MMP16: variants seen among roughly 807,000 people sequenced by gnomAD.
MMP16 encodes matrix metalloproteinase-16.
A neutral mutation model predicts 67.8 loss-of-function variants in MMP16; 12 were observed. That is an observed-to-expected ratio of 0.18 (90% CI 0.11 to 0.29). MMP16 has a LOEUF of 0.29. Ranked by LOEUF, MMP16 falls within the 10% of genes least tolerant of loss-of-function variation. The pLI is 1.00. For synonymous variants in MMP16, 249 were observed against 255.9 expected (o/e 0.97, Z 0.26); for missense variants, 475 against 765.7 (o/e 0.62, Z 4.48).
At chr8:88,137,308 C>G (rs1808136763) in intron 4 of MMP16, among the ~76,000 whole-genome samples, 1 of 151,408 alleles carries the variant, frequency 6.6e-6, no homozygotes, top group Non-Finnish European at 1.5e-5. Context: ...GGCAACTCCT[C>G]CCCCCCAAAA....
intron 6 of MMP16, among the ~76,000 whole-genome samples, chr8:88,114,525 A>G (rs1422350820): frequency 1.3e-5 from 2 of 151,966 alleles, no homozygotes; most frequent in Non-Finnish European, 2.9e-5. Context: ...CCATTCACAC[A>G]TTCTTGATGC....
intron 6 of MMP16, among the ~76,000 whole-genome samples, chr8:88,105,963 ATTT>A (rs35863491): frequency 6.6e-6 from 1 of 150,534 alleles, no homozygotes; most frequent in Non-Finnish European, 1.5e-5. Context: ...TCCTTTGAGA[ATTT>A]TTTATTTATA....
chr8:88,162,551 C>T (rs1586183634), intron 4 of MMP16, among the ~76,000 whole-genome samples: 1 of 151,944 alleles, frequency 6.6e-6, no homozygotes, highest in Non-Finnish European at 1.5e-5. Flanking sequence ...TTCAAAAACT[C>T]GAGGATAGAT....
At chr8:88,051,606 T>G (rs1808271740) in intron 8 of MMP16, among the ~76,000 whole-genome samples, 1 of 152,188 alleles carries the variant, frequency 6.6e-6, no homozygotes, top group Non-Finnish European at 1.5e-5. Flanking sequence ...TTTTGCTGTA[T>G]TTTTGAACGA....
chr8:88,219,936 A>G (rs1809651927), intron 1 of MMP16, among the ~76,000 whole-genome samples: 1 of 152,142 alleles, frequency 6.6e-6, no homozygotes, highest in Non-Finnish European at 1.5e-5. Flanking sequence ...AAAAATTTCA[A>G]AGACAAAAGT....
At chr8:88,044,293 T>C (rs915687949) in intron 9 of MMP16, among the ~76,000 whole-genome samples, 8 of 152,160 alleles carry the variant, frequency 5.3e-5, no homozygotes, top group Non-Finnish European at 2.9e-5. Context: ...CTGGGCACCA[T>C]AGTGAGATGA....
At position 88,116,639 on chromosome 8, in the gene MMP16, T is replaced by C. The variant is rs1484257191; in HGVS notation, c.951A>G (p.Pro317=). The C allele has an allele frequency of 6.2e-7, 1 of 1,613,842 alleles. No homozygotes were observed. The highest frequency in any genetic ancestry group is 8.5e-7 in the Non-Finnish European group (1 of 1,179,866). The change falls in exon 6 of 10, where the codon CCA becomes CCG. Residue 317 remains proline, a synonymous_variant. Coordinates refer to ENST00000286614, the MANE Select transcript of MMP16 (RefSeq NM_005941.5). The part of the protein sequence containing the change: ...PPHRSIPPAD[P]RKNDRPKPPR... Reference sequence around the variant, plus strand: ...GAGGTTTTGGCCTGTCATTTTTCCTTGGGTCAGCCGGAGGAATAGAGCGGT... The same window carrying C: ...GAGGTTTTGGCCTGTCATTTTTCCTCGGGTCAGCCGGAGGAATAGAGCGGT...
chr8:88,066,720 A>C (rs1252386773), intron 7 of MMP16, among the ~76,000 whole-genome samples: 10 of 152,066 alleles, frequency 6.6e-5, no homozygotes, highest in African/African-American at 9.7e-5. Context: ...AGCAAAAAAA[A>C]CCCACCCCAC....
At chr8:88,311,994 T>G (rs957041982) in intron 1 of MMP16, among the ~76,000 whole-genome samples, 1 of 152,084 alleles carries the variant, frequency 6.6e-6, no homozygotes, top group African/African-American at 2.4e-5. Context: ...GGCAGAAAAC[T>G]GGGGATTTGG....
At chr8:88,074,878 G>A (rs1214524260) in intron 6 of MMP16, 135 bp from the exon 7 acceptor site, 12 of 1,164,576 alleles carry the variant, frequency 1.0e-5, no homozygotes, top group African/African-American at 6.2e-5. Context: ...CAGAGAAAGA[G>A]CTAAACAACT....
At chr8:88,192,062 G>T (rs1489332015) in intron 2 of MMP16, among the ~76,000 whole-genome samples, 1 of 152,154 alleles carries the variant, frequency 6.6e-6, no homozygotes, top group Non-Finnish European at 1.5e-5. Context: ...ACAAGTTTTA[G>T]TTAAAAGTAT....
intron 1 of MMP16, among the ~76,000 whole-genome samples, chr8:88,244,374 T>C (rs1810078545): frequency 6.6e-6 from 1 of 152,210 alleles, no homozygotes. Flanking sequence ...GACTTGAATG[T>C]AAAAGCCATA....
At chr8:88,053,761 G>C (rs1808298608) in intron 8 of MMP16, among the ~76,000 whole-genome samples, 1 of 151,950 alleles carries the variant, frequency 6.6e-6, no homozygotes, top group East Asian at 1.9e-4. Context: ...TATGACTATG[G>C]AGTAATCTGT....
At chr8:88,183,230 A>G (rs977658557) in intron 3 of MMP16, among the ~76,000 whole-genome samples, 3 of 152,220 alleles carry the variant, frequency 2.0e-5, no homozygotes, top group African/African-American at 7.2e-5. Flanking sequence ...GTACTGGCTC[A>G]TCAATTTTAA....
rs1585987940 is a variant in MMP16 at position 88,265,792 on chromosome 8, C to T, written c.132+61283G>A. Reference sequence around the variant, plus strand: ...AACAAAAAACTGACAAATGACTTTACATTTTGGGTAACTTTTGTGTAACCT... The same window carrying T: ...AACAAAAAACTGACAAATGACTTTATATTTTGGGTAACTTTTGTGTAACCT... On this transcript the variant is annotated intron_variant, in intron 1 of 9. Transcript: ENST00000286614. Among the ~76,000 whole-genome samples the T allele has an allele frequency of 3.3e-5, 5 of 152,120 alleles. No homozygotes were observed. In the South Asian group the frequency reaches 1.0e-3, roughly 32 times the overall value.
Position 88,303,577 on chromosome 8 carries a change from T to G in MMP16, c.132+23498A>C, listed in dbSNP as rs192978191. On this transcript the variant is annotated intron_variant, in intron 1 of 9. Transcript: ENST00000286614. ...GCAGTTTAGGCTGGCAATAGGACAGTACCCCCCTGGGACAGAGCCTTCAGA... is the reference window on the plus strand; with the variant it reads ...GCAGTTTAGGCTGGCAATAGGACAGGACCCCCCTGGGACAGAGCCTTCAGA... 2.4e-3 allele frequency among the ~76,000 whole-genome samples: 358 copies of G among 152,256 alleles called. 2 individuals carry two copies. In the Middle Eastern group the frequency reaches 0.027, roughly 12 times the overall value.
intron 1 of MMP16, among the ~76,000 whole-genome samples, chr8:88,300,632 C>G (rs1310171289): frequency 6.6e-6 from 1 of 152,086 alleles, no homozygotes; most frequent in Non-Finnish European, 1.5e-5. Flanking sequence ...ATAAGTTAAA[C>G]TTTACCACAG....
intron 8 of MMP16, among the ~76,000 whole-genome samples, chr8:88,047,913 C>T (rs938627947): frequency 1.3e-5 from 2 of 151,966 alleles, no homozygotes; most frequent in Non-Finnish European, 2.9e-5. Context: ...ACTAGGGAGT[C>T]AATAGCTATA....
intron 6 of MMP16, among the ~76,000 whole-genome samples, chr8:88,099,484 A>G (rs1216719575): frequency 1.3e-5 from 2 of 151,922 alleles, no homozygotes; most frequent in Admixed American, 6.6e-5. Context: ...GTCTAACATC[A>G]GTTCAGCTAT....
Sources: allele counts gnomAD v4.1 joint callset (sites outside exome capture counted in the v4.1 genomes callset), GRCh38; gene constraint gnomAD v4.1.1; transcripts MANE v1.5; gene names NCBI Gene and HGNC (gene_info 2026-07-23, HGNC 2026-07-21).